Variants in APBB2 observed in about 807,000 individuals in gnomAD.
APBB2 encodes amyloid beta precursor protein binding family B member 2.
Under a neutral mutation model 82.5 loss-of-function variants are expected in APBB2, and 38 were observed. The ratio of observed to expected loss-of-function variants is 0.46; its 90% confidence interval spans 0.36 to 0.60. APBB2 has a LOEUF of 0.60. Among genes scored for constraint, APBB2 ranks in the 20% least tolerant of loss-of-function variants. APBB2 has a pLI of 0.00. For synonymous variants in APBB2, 341 were observed against 368.2 expected, an observed-to-expected ratio of 0.93 and a Z score of 0.85; for missense variants, 772 against 972.3, an observed-to-expected ratio of 0.79 and a Z score of 2.74.
intron 10 of APBB2, among the ~76,000 whole-genome samples, chr4:40,932,450 T>C (rs755961134): frequency 6.6e-6 from 1 of 152,194 alleles, no homozygotes; most frequent in Non-Finnish European, 1.5e-5. Flanking sequence ...AGCCCTAAGA[T>C]ACTTACAGAA....
intron 12 of APBB2, among the ~76,000 whole-genome samples, chr4:40,834,796 T>G (rs1348080502): frequency 6.6e-6 from 1 of 151,534 alleles, no homozygotes; most frequent in Non-Finnish European, 1.5e-5. Flanking sequence ...CGAGAGCCCC[T>G]GGAAGAAACA....
rs116078535 is a variant in APBB2 at position 40,864,334 on chromosome 4, C to T, written c.1529+26030G>A. Among the ~76,000 whole-genome samples the T allele has an allele frequency of 4.0e-3, 603 of 152,164 alleles. 2 individuals carry two copies. Among genetic ancestry groups the T allele is most frequent in the African/African-American group, 0.014 (573 of 41,506 alleles). On this transcript the variant is annotated intron_variant, in intron 12 of 17. Transcript: ENST00000508593. ...TTATTGCTCCTGGAGGACTCTATAACGTATATTTGTAAAAGAAAGACCCCA... is the reference window on the plus strand; with the variant it reads ...TTATTGCTCCTGGAGGACTCTATAATGTATATTTGTAAAAGAAAGACCCCA...
rs1237376576 is a variant in APBB2, at chr4:40,816,200, T to C, written c.2172A>G (p.Pro724=). Reference sequence around the variant, plus strand: ...TTCTGGTTACTGAATCTGCTGGCGGTGGAGGTGGTCGAACTTTCTGAGAAG... The same window carrying C: ...TTCTGGTTACTGAATCTGCTGGCGGCGGAGGTGGTCGAACTTTCTGAGAAG... ...RPPSQKVRPP[P]PPADSVTRRV... Residue 724 remains proline, a synonymous_variant, in exon 18 of 18, where the codon CCA becomes CCG. Transcript: ENST00000508593. 2 of 1,614,086 alleles carry C rather than the reference T, an allele frequency of 1.2e-6. No individual in the cohort carries two copies. The highest frequency in any genetic ancestry group is 1.3e-5 in the African/African-American group (1 of 74,918).
At chr4:41,055,504 C>T (rs1727519795) in intron 4 of APBB2, among the ~76,000 whole-genome samples, 1 of 152,180 alleles carries the variant, frequency 6.6e-6, no homozygotes, top group Non-Finnish European at 1.5e-5. Flanking sequence ...TGTCACTGCC[C>T]TCTATACCAC....
chr4:41,111,846 C>A (rs939608253), intron 2 of APBB2, among the ~76,000 whole-genome samples: 1 of 152,132 alleles, frequency 6.6e-6, no homozygotes, highest in Non-Finnish European at 1.5e-5. Context: ...AACAAGCAGT[C>A]GCCATTACAA....
chr4:40,914,851 C>G (rs10019553), intron 10 of APBB2, among the ~76,000 whole-genome samples: 40,434 of 151,968 alleles, frequency 0.27, 5,573 homozygotes, highest in Middle Eastern at 0.39. Flanking sequence ...TGCTTAATTA[C>G]TCTTAAGCTT....
In APBB2 at chr4:40,878,221, T is replaced by C. The variant is rs1405673712; in HGVS notation, c.1529+12143A>G. ...AATTAGACGGGTGTGGTGGCACATG[T>C]CTGTAATTCCAGCTACTCAGGAGGC... On this transcript the variant is annotated intron_variant, in intron 12 of 17. Coordinates refer to ENST00000508593, the MANE Select transcript of APBB2 (RefSeq NM_004307.2). 3.9e-5 allele frequency among the ~76,000 whole-genome samples: 6 copies of C among 152,028 alleles called. 1 individual carries two copies. The highest frequency in any genetic ancestry group is 1.5e-5 in the Non-Finnish European group (1 of 67,956).
At chr4:41,098,617 A>C (rs1262716542) in intron 3 of APBB2, among the ~76,000 whole-genome samples, 1 of 152,242 alleles carries the variant, frequency 6.6e-6, no homozygotes, top group Non-Finnish European at 1.5e-5. Flanking sequence ...CAACTTTTAC[A>C]ACAATGCTAC....
At chr4:41,208,522 A>G (rs1778527830) in intron 1 of APBB2, among the ~76,000 whole-genome samples, 1 of 152,192 alleles carries the variant, frequency 6.6e-6, no homozygotes, top group Admixed American at 6.5e-5. Context: ...TTGGCCTCCG[A>G]AAGTGCTAGG....
At position 40,816,238 on chromosome 4, in the gene APBB2, C is replaced by T. The variant is rs759827967; in HGVS notation, c.2134G>A (p.Val712Ile). The change falls in exon 18 of 18, where the codon GTA becomes ATA. Residue 712 changes from valine to isoleucine, a missense_variant. Val to Ile is a conservative substitution (Grantham distance 29, BLOSUM62 3). Transcript: ENST00000508593. ...ACTTTCTGAGAAGGCGGCCTGGCTA[C>T]CAAGCACTTCTGATATCGTAACTGA... ...ACMLRYQKCL[V>I]ARPPSQKVRP... is the part of the protein sequence containing the mutation. 6.2e-7 allele frequency: 1 copy of T among 1,614,070 alleles called. No individual in the cohort carries two copies. The highest frequency in any genetic ancestry group is 2.2e-5 in the East Asian group (1 of 44,884).
At chr4:40,882,949 G>A (rs769660024) in intron 12 of APBB2, among the ~76,000 whole-genome samples, 14 of 152,132 alleles carry the variant, frequency 9.2e-5, no homozygotes, top group African/African-American at 1.2e-4. Context: ...GGGTGTGAAC[G>A]GAATGTGAGT....
intron 4 of APBB2, among the ~76,000 whole-genome samples, chr4:41,064,041 C>T (rs1390847021): frequency 1.4e-5 from 2 of 144,398 alleles, no homozygotes; most frequent in South Asian, 2.2e-4. Context: ...TGCAGTGGCG[C>T]GATCTCGGTT....
intron 2 of APBB2, chr4:41,118,176 G>T (rs1029353853): frequency 6.6e-6 from 1 of 152,150 alleles, no homozygotes; most frequent in Non-Finnish European, 1.5e-5. Flanking sequence ...ATTGTACCAC[G>T]CACTCCAGCC....
chr4:41,159,012 G>A (rs1266646496), intron 1 of APBB2, among the ~76,000 whole-genome samples: 1 of 152,032 alleles, frequency 6.6e-6, no homozygotes, highest in Admixed American at 6.6e-5. Flanking sequence ...TGACTAAAAG[G>A]GTAGCTTTAC....
intron 12 of APBB2, among the ~76,000 whole-genome samples, chr4:40,865,641 CT>C (rs1763874143): frequency 2.0e-5 from 3 of 152,120 alleles, no homozygotes; most frequent in Non-Finnish European, 4.4e-5. Flanking sequence ...CTGAGAATTC[CT>C]TTGCATGGAT....
chr4:41,096,346 G>A (rs913081845), intron 3 of APBB2, among the ~76,000 whole-genome samples: 2 of 152,050 alleles, frequency 1.3e-5, no homozygotes, highest in African/African-American at 2.4e-5. Context: ...TTTCAATAAC[G>A]CCCACCCCTA....
chr4:40,982,745 C>T (rs1799427988), intron 6 of APBB2, among the ~76,000 whole-genome samples: 1 of 151,444 alleles, frequency 6.6e-6, no homozygotes, highest in Admixed American at 6.6e-5. Flanking sequence ...GAGCTGTGAT[C>T]ACGCCACTGC....
chr4:40,854,555 GATGGACAGATAAGCTA>G (rs1358979230), intron 12 of APBB2, among the ~76,000 whole-genome samples: 3 of 152,150 alleles, frequency 2.0e-5, no homozygotes, highest in Non-Finnish European at 4.4e-5. Context: ...GGGAGGCCGA[GATGGACAGATAAGCTA>G]ATGCCAGGAG....
At chr4:41,211,590 C>T (rs572243513) in intron 1 of APBB2, among the ~76,000 whole-genome samples, 1 of 152,088 alleles carries the variant, frequency 6.6e-6, no homozygotes, top group African/African-American at 2.4e-5. Context: ...TCAAGTGATT[C>T]TCCTGCCTCA....
Sources: allele counts gnomAD v4.1 joint callset (sites outside exome capture counted in the v4.1 genomes callset), GRCh38; gene constraint gnomAD v4.1.1; transcripts MANE v1.5; gene names NCBI Gene and HGNC (gene_info 2026-07-23, HGNC 2026-07-21).